The following ATAD2B variants were observed in gnomAD, a reference collection of about 807,000 sequenced individuals.
ATAD2B encodes ATPase family AAA domain containing 2B.
Under a neutral mutation model 167.6 loss-of-function variants are expected in ATAD2B, and 40 were observed. That is an observed-to-expected ratio of 0.24 (90% CI 0.19 to 0.31). The LOEUF (loss-of-function observed/expected upper bound fraction) is 0.31, where lower values mean the gene tolerates loss of function less well. Ranked by LOEUF, ATAD2B falls within the 10% of genes least tolerant of loss-of-function variation. The pLI is 1.00. For synonymous variants in ATAD2B, 579 were observed against 596.5 expected (o/e 0.97, Z 0.43); for missense variants, 1,242 against 1,757.2 (o/e 0.71, Z 5.24).
At chr2:23,859,923 C>G (rs1179913851) in intron 12 of ATAD2B, among the ~76,000 whole-genome samples, 2 of 151,220 alleles carry the variant, frequency 1.3e-5, no homozygotes, top group Non-Finnish European at 2.9e-5. Flanking sequence ...GCACTCCAGC[C>G]TGGGTGACAG....
chr2:23,732,727 G>C, the ATAD2B span, among the ~76,000 whole-genome samples: 102 of 152,138 alleles, frequency 6.7e-4, no homozygotes, highest in Admixed American at 1.5e-3. Flanking sequence ...TGATCTGCTG[G>C]AATAAAATAC....
Position 23,863,382 on chromosome 2 carries a change from T to C in ATAD2B, c.1478A>G (p.Gln493Arg). ...CTTGAATTAGATGATTTCTCTTACC[T>C]GATCAAAAAGAAGCCTAAGTTGCCT... ...SERQLRLLFD[Q>R]AYLMRPSIIF... The change falls in exon 12 of 28, where the codon CAG becomes CGG. Residue 493 changes from glutamine (Q) to arginine (R), a missense_variant and splice_region_variant. Around this residue, in one of 9 missense-constraint regions of ATAD2B, gnomAD observed 151 missense variants for 284.1 expected, o/e 0.53. Coordinates refer to ENST00000238789, the MANE Select transcript of ATAD2B (RefSeq NM_017552.4). The C allele has an allele frequency of 6.4e-7, 1 of 1,551,696 alleles. No homozygotes were observed. The highest frequency in any genetic ancestry group is 8.7e-7 in the Non-Finnish European group (1 of 1,146,944).
chr2:23,787,047 A>G (rs981517957), intron 20 of ATAD2B, among the ~76,000 whole-genome samples: 20 of 100,394 alleles, frequency 2.0e-4, no homozygotes, highest in East Asian at 6.3e-4. Flanking sequence ...GAAGGGAGGG[A>G]AAAAAAAAAA....
intron 18 of ATAD2B, among the ~76,000 whole-genome samples, chr2:23,802,939 C>T (rs982671950): frequency 9.2e-5 from 14 of 151,938 alleles, no homozygotes; most frequent in African/African-American, 3.1e-4. Flanking sequence ...TTCCCAACAC[C>T]ACACAGTACA....
At chr2:23,772,759 C>T (rs1404396832) in intron 22 of ATAD2B, among the ~76,000 whole-genome samples, 3 of 152,158 alleles carry the variant, frequency 2.0e-5, no homozygotes, top group Non-Finnish European at 4.4e-5. Flanking sequence ...GGGACAAGGT[C>T]TCACTCTGTC....
At chr2:23,818,362 CAAAAAA>C (rs6146683) in intron 17 of ATAD2B, among the ~76,000 whole-genome samples, 1 of 99,292 alleles carries the variant, frequency 1.0e-5, no homozygotes, top group Admixed American at 1.1e-4. Context: ...AGGTGAAAAG[CAAAAAA>C]AAAAAAAAAA....
the ATAD2B span, among the ~76,000 whole-genome samples, chr2:23,679,257 T>C: frequency 6.6e-6 from 1 of 151,748 alleles, no homozygotes; most frequent in Admixed American, 6.6e-5. Context: ...GATCCTGGTT[T>C]AGCAGTTTGG....
chr2:23,693,457 A>G, the ATAD2B span: 1 of 1,551,590 alleles, frequency 6.4e-7, no homozygotes, highest in Non-Finnish European at 8.7e-7. Flanking sequence ...CAGCCTCAAC[A>G]CCAAGGCTGA....
At chr2:23,805,705 G>A (rs1424195148) in intron 18 of ATAD2B, among the ~76,000 whole-genome samples, 1 of 149,034 alleles carries the variant, frequency 6.7e-6, no homozygotes, top group Non-Finnish European at 1.5e-5. Context: ...TTTAAAAGAT[G>A]GTGCCAAATT....
chr2:23,835,440 C>T (rs901607921), intron 13 of ATAD2B, among the ~76,000 whole-genome samples: 5 of 152,092 alleles, frequency 3.3e-5, no homozygotes, highest in Non-Finnish European at 7.4e-5. Flanking sequence ...TCCATTTATA[C>T]AAGATATCCC....
chr2:23,888,490 A>G (rs920650862), intron 2 of ATAD2B, 91 bp from the exon 3 acceptor site: 1 of 839,484 alleles, frequency 1.2e-6, no homozygotes, highest in Admixed American at 3.6e-5. Flanking sequence ...TTTAATCTTT[A>G]AAACTTTTTT....
chr2:23,916,071 G>A (rs1480412249), intron 1 of ATAD2B, among the ~76,000 whole-genome samples: 2 of 151,560 alleles, frequency 1.3e-5, no homozygotes, highest in Admixed American at 1.3e-4. Context: ...TATACCTTCT[G>A]TTACAATCTC....
intron 1 of ATAD2B, among the ~76,000 whole-genome samples, chr2:23,907,550 A>G (rs956766848): frequency 1.3e-5 from 2 of 152,192 alleles, no homozygotes; most frequent in Admixed American, 6.5e-5. Context: ...TGCTCAAGGT[A>G]ATTTACAGAT....
intron 1 of ATAD2B, among the ~76,000 whole-genome samples, chr2:23,916,661 A>T (rs1474631783): frequency 6.6e-6 from 1 of 152,190 alleles, no homozygotes. Flanking sequence ...TCTTCACTTA[A>T]TTCTAAATTT....
At chr2:23,709,021 ATTTCTTTTCT>A in the ATAD2B span, among the ~76,000 whole-genome samples, 9 of 152,084 alleles carry the variant, frequency 5.9e-5, no homozygotes, top group African/African-American at 2.2e-4. Context: ...ATACAGGGTG[ATTTCTTTTCT>A]TTTCTTTTCT....
the ATAD2B span, chr2:23,703,428 C>A: frequency 7.2e-7 from 1 of 1,394,168 alleles, no homozygotes; most frequent in South Asian, 1.5e-5. Context: ...GCATCCCTGC[C>A]TTGCTGATTT....
At chr2:23,762,526 A>G (rs971124956) in intron 23 of ATAD2B, among the ~76,000 whole-genome samples, 180 bp from the exon 24 acceptor site, 4 of 152,230 alleles carry the variant, frequency 2.6e-5, no homozygotes, top group African/African-American at 7.2e-5. Flanking sequence ...CTTAGATATA[A>G]AATCATAAAA....
At chr2:23,837,605 A>G (rs1690215094) in intron 13 of ATAD2B, among the ~76,000 whole-genome samples, 2 of 152,250 alleles carry the variant, frequency 1.3e-5, no homozygotes, top group Admixed American at 1.3e-4. Context: ...TCCCCAATAC[A>G]GCAGGCATGA....
At chr2:23,697,955 C>T in the ATAD2B span, 1 of 152,234 alleles carries the variant, frequency 6.6e-6, no homozygotes, top group South Asian at 2.1e-4. Context: ...TTCTGTCTTG[C>T]TTTTGTCGGC....
Sources: gnomAD v4.1 joint callset for allele counts (sites outside exome capture counted in the v4.1 genomes callset) on GRCh38, gnomAD v4.1.1 for gene constraint, gnomAD v4.1.1 regional missense constraint, MANE v1.5 for transcripts, NCBI Gene and HGNC (gene_info 2026-07-23, HGNC 2026-07-21) for gene names.